ARHGAP42: variants seen among roughly 807,000 people sequenced by gnomAD.
ARHGAP42 encodes rho GTPase-activating protein 42.
In ARHGAP42, 63 loss-of-function variants were observed where a neutral mutation model predicts 125.0. The ratio of observed to expected loss-of-function variants is 0.50; its 90% CI spans 0.41 to 0.62. ARHGAP42 has a LOEUF of 0.62. Ranked by LOEUF, ARHGAP42 falls within the 20% of genes least tolerant of loss-of-function variation. The pLI, the probability that ARHGAP42 is intolerant of heterozygous loss-of-function variation, is 0.00. For synonymous variants in ARHGAP42, 339 were observed against 351.0 expected (o/e 0.97, Z 0.38); for missense variants, 766 against 1,024.2 (o/e 0.75, Z 3.44).
At chr11:100,788,275 T>G (rs1863482447) in intron 2 of ARHGAP42, among the ~76,000 whole-genome samples, 1 of 152,192 alleles carries the variant, frequency 6.6e-6, no homozygotes, top group African/African-American at 2.4e-5. Context: ...GATGACTCTG[T>G]TTTTGATTTG....
At chr11:100,717,923 TAAA>T (rs1555109759) in intron 1 of ARHGAP42, among the ~76,000 whole-genome samples, 1 of 140,904 alleles carries the variant, frequency 7.1e-6, no homozygotes, top group Non-Finnish European at 1.5e-5. Flanking sequence ...GACTCTGCCT[TAAA>T]AAAAAAAAAA....
intron 13 of ARHGAP42, 92 bp downstream of exon 13, chr11:100,960,037 T>G (rs1293022376): frequency 6.8e-6 from 8 of 1,173,208 alleles, no homozygotes; most frequent in Middle Eastern, 5.5e-4. Flanking sequence ...GAAGATGTAT[T>G]TGGTCATTAA....
In ARHGAP42 at chr11:100,992,483, A is replaced by T; in HGVS notation, c.*3682A>T. 2 of 1,614,146 alleles carry T rather than the reference A, an allele frequency of 1.2e-6. No individual in the cohort carries two copies. The highest frequency in any genetic ancestry group is 1.7e-6 in the Non-Finnish European group (2 of 1,179,980). ...CTACCCTTTTTTGTTACCTTCCAAA[A>T]TCAAGACACTTTTAAGAAACAAAGA... On this transcript the variant is annotated 3_prime_UTR_variant, in exon 24 of 24. Transcript: ENST00000298815.
chr11:100,950,806 G>A (rs968230328), intron 12 of ARHGAP42, among the ~76,000 whole-genome samples: 2 of 152,074 alleles, frequency 1.3e-5, no homozygotes, highest in African/African-American at 4.8e-5. Flanking sequence ...TAATGCAATG[G>A]ATTTTGTCTT....
At position 100,715,048 on chromosome 11, in the gene ARHGAP42, C is replaced by CA. The variant is rs36017086; in HGVS notation, c.154+27242dup. On this transcript the variant is annotated intron_variant, in intron 1 of 23. Coordinates refer to ENST00000298815, the MANE Select transcript of ARHGAP42 (RefSeq NM_152432.4). ...TGGGCGATGCAGTGAAACCCTATCT[C>CA]AAAAAAAAAAAAAAAAAAAAAAAAA... is the stretch of plus-strand genomic sequence containing the variant. Among the ~76,000 whole-genome samples the CA allele has an allele frequency of 6.2e-3, 382 of 61,810 alleles. 5 individuals are homozygous for CA. The highest frequency in any genetic ancestry group is 8.0e-3 in the African/African-American group (123 of 15,390). 40.5% of individuals were successfully genotyped at this position (61,810 alleles called of 152,430 possible).
At chr11:100,749,275 C>T (rs1267598006) in intron 1 of ARHGAP42, among the ~76,000 whole-genome samples, 4 of 151,150 alleles carry the variant, frequency 2.6e-5, no homozygotes, top group Non-Finnish European at 4.4e-5. Flanking sequence ...GGCTCAACCT[C>T]TCAAACAAGG....
chr11:100,974,032 T>G (rs1858323379), intron 18 of ARHGAP42, among the ~76,000 whole-genome samples: 1 of 152,098 alleles, frequency 6.6e-6, no homozygotes, highest in Non-Finnish European at 1.5e-5. Flanking sequence ...TACCTTAACC[T>G]GCAGCTAGCC....
intron 1 of ARHGAP42, among the ~76,000 whole-genome samples, chr11:100,770,016 G>T (rs559828496): frequency 6.6e-6 from 1 of 152,198 alleles, no homozygotes; most frequent in East Asian, 1.9e-4. Context: ...CTCCATTTAT[G>T]GTGAGTGAGT....
intron 1 of ARHGAP42, among the ~76,000 whole-genome samples, chr11:100,704,892 C>T (rs1275008365): frequency 6.0e-5 from 9 of 150,860 alleles, no homozygotes; most frequent in African/African-American, 1.7e-4. Flanking sequence ...GCAGGAGGAT[C>T]GCTTGAGCCC....
intron 6 of ARHGAP42, among the ~76,000 whole-genome samples, chr11:100,932,430 T>A (rs908877644): frequency 6.6e-6 from 1 of 152,180 alleles, no homozygotes; most frequent in African/African-American, 2.4e-5. Context: ...TTTTCCAATA[T>A]AACGTTCCAT....
chr11:100,867,557 G>A (rs533738722), intron 4 of ARHGAP42, among the ~76,000 whole-genome samples: 16 of 152,316 alleles, frequency 1.1e-4, no homozygotes, highest in African/African-American at 3.6e-4. Flanking sequence ...AGTTAGGACC[G>A]TGCTCTGGAT....
At chr11:100,903,648 A>G (rs1866624498) in intron 4 of ARHGAP42, among the ~76,000 whole-genome samples, 1 of 141,118 alleles carries the variant, frequency 7.1e-6, no homozygotes, top group Non-Finnish European at 1.5e-5. Flanking sequence ...TGACACTTGG[A>G]TGCTGTATTA....
intron 3 of ARHGAP42, among the ~76,000 whole-genome samples, chr11:100,820,870 A>C (rs189691564): frequency 6.6e-6 from 1 of 152,256 alleles, no homozygotes; most frequent in African/African-American, 2.4e-5. Context: ...TCTAGTAATA[A>C]CATTGTGACA....
intron 6 of ARHGAP42, among the ~76,000 whole-genome samples, chr11:100,931,256 A>G (rs971390575): frequency 1.3e-5 from 2 of 152,158 alleles, no homozygotes; most frequent in Admixed American, 6.6e-5. Context: ...TCAGATTAGT[A>G]TTAGTACTTT....
At chr11:100,813,918 G>T (rs910810950) in intron 3 of ARHGAP42, among the ~76,000 whole-genome samples, 1 of 152,140 alleles carries the variant, frequency 6.6e-6, no homozygotes, top group Non-Finnish European at 1.5e-5. Flanking sequence ...GAACAGGCCG[G>T]GTGCAGTGGC....
chr11:100,971,587 C>A (rs1051924346), intron 17 of ARHGAP42, among the ~76,000 whole-genome samples: 4 of 152,160 alleles, frequency 2.6e-5, no homozygotes, highest in Admixed American at 1.3e-4. Flanking sequence ...AATCCATCTT[C>A]TGTGCAATGT....
intron 3 of ARHGAP42, among the ~76,000 whole-genome samples, chr11:100,826,936 G>A (rs990849155): frequency 1.3e-5 from 2 of 151,764 alleles, no homozygotes; most frequent in Non-Finnish European, 2.9e-5. Context: ...AAAGAGGAGG[G>A]TGGCAACGGG....
At chr11:100,950,346 TATAA>T (rs1468704926) in intron 12 of ARHGAP42, among the ~76,000 whole-genome samples, 5 of 146,688 alleles carry the variant, frequency 3.4e-5, no homozygotes, top group Non-Finnish European at 7.5e-5. Context: ...TATAATTATA[TATAA>T]ATACTGTATT....
intron 4 of ARHGAP42, among the ~76,000 whole-genome samples, chr11:100,908,159 C>G (rs1251369522): frequency 6.6e-6 from 1 of 152,120 alleles, no homozygotes; most frequent in Non-Finnish European, 1.5e-5. Flanking sequence ...AGTATTTAAA[C>G]AAAGCTTTCT....
Sources: gnomAD v4.1 joint callset for allele counts (sites outside exome capture counted in the v4.1 genomes callset) on GRCh38, gnomAD v4.1.1 for gene constraint, MANE v1.5 for transcripts, NCBI Gene and HGNC (gene_info 2026-07-23, HGNC 2026-07-21) for gene names.